Variants in SLC25A13 observed in about 807,000 individuals in gnomAD.
SLC25A13 encodes the protein electrogenic aspartate/glutamate antiporter SLC25A13, mitochondrial.
Under a neutral mutation model 85.5 loss-of-function variants are expected in SLC25A13, and 70 were observed. The observed-to-expected ratio is 0.82, with a 90% CI of 0.68 to 1.00. The LOEUF (loss-of-function observed/expected upper bound fraction) is 1.00, where lower values mean the gene tolerates loss of function less well. Ranked by LOEUF, SLC25A13 falls within the 50% of genes least tolerant of loss-of-function variation. The pLI is 0.00. For synonymous variants in SLC25A13, 259 were observed against 288.7 expected (o/e 0.90, Z 1.04); for missense variants, 765 against 819.8 (o/e 0.93, Z 0.82).
intron 1 of SLC25A13, among the ~76,000 whole-genome samples, chr7:96,320,982 G>A (rs1403341007): frequency 6.6e-6 from 1 of 152,182 alleles, no homozygotes; most frequent in Non-Finnish European, 1.5e-5. Flanking sequence ...CACTTAAAAT[G>A]AGCTAAGAAG....
chr7:96,211,867 T>C (rs1012517381), intron 4 of SLC25A13, among the ~76,000 whole-genome samples: 3 of 152,212 alleles, frequency 2.0e-5, no homozygotes, highest in African/African-American at 4.8e-5. Context: ...TAAACTGATT[T>C]AAACATGTTG....
chr7:96,241,143 G>A (rs991387704), intron 3 of SLC25A13, among the ~76,000 whole-genome samples: 2 of 151,816 alleles, frequency 1.3e-5, no homozygotes, highest in South Asian at 2.1e-4. Flanking sequence ...CAGCATCTCC[G>A]GAGAACAATT....
chr7:96,279,153 G>A (rs540402545), intron 2 of SLC25A13, among the ~76,000 whole-genome samples: 3 of 152,072 alleles, frequency 2.0e-5, no homozygotes, highest in African/African-American at 4.8e-5. Flanking sequence ...ACTGCTCTCC[G>A]GAAAAGATTG....
chr7:96,277,044 T>G, intron 3 of SLC25A13, 152 bp downstream of exon 3: 1 of 715,538 alleles, frequency 1.4e-6, no homozygotes, highest in Non-Finnish European at 2.2e-6. Flanking sequence ...AACTACATTA[T>G]TACTCAAATA....
intron 2 of SLC25A13, among the ~76,000 whole-genome samples, chr7:96,281,810 G>A (rs553882688): frequency 8.1e-4 from 123 of 152,334 alleles, no homozygotes; most frequent in African/African-American, 2.9e-3. Flanking sequence ...TCTGGGCACA[G>A]AAATAGTTTT....
chr7:96,191,830 T>C (rs1296157939), intron 6 of SLC25A13, among the ~76,000 whole-genome samples: 1 of 152,062 alleles, frequency 6.6e-6, no homozygotes, highest in East Asian at 1.9e-4. Context: ...TATACTTTCA[T>C]GGGGGGTTAA....
intron 5 of SLC25A13, among the ~76,000 whole-genome samples, chr7:96,201,685 C>T (rs908475593): frequency 4.6e-5 from 7 of 152,256 alleles, no homozygotes; most frequent in Admixed American, 2.0e-4. Context: ...AGTTCTACTA[C>T]AAGCGATTAT....
At chr7:96,320,090 C>T (rs544332472) in intron 1 of SLC25A13, among the ~76,000 whole-genome samples, 7 of 152,304 alleles carry the variant, frequency 4.6e-5, no homozygotes, top group African/African-American at 1.7e-4. Flanking sequence ...CTGCAATCTC[C>T]GCCTCCTGAG....
intron 7 of SLC25A13, 49 bp from the exon 8 acceptor site, chr7:96,189,723 C>G (rs1794775964): frequency 6.8e-7 from 1 of 1,461,788 alleles, no homozygotes; most frequent in South Asian, 1.1e-5. Flanking sequence ...GAAATAGCCA[C>G]TAAATTCAGC....
At chr7:96,233,482 T>G (rs1339640124) in intron 4 of SLC25A13, among the ~76,000 whole-genome samples, 1 of 152,210 alleles carries the variant, frequency 6.6e-6, no homozygotes, top group Non-Finnish European at 1.5e-5. Context: ...ATGGAAAGCA[T>G]CTGATCTTCT....
intron 2 of SLC25A13, among the ~76,000 whole-genome samples, chr7:96,284,754 G>A (rs991050637): frequency 6.6e-6 from 1 of 152,156 alleles, no homozygotes; most frequent in African/African-American, 2.4e-5. Flanking sequence ...TCTCTTGCCT[G>A]TCACAATATA....
intron 15 of SLC25A13, among the ~76,000 whole-genome samples, chr7:96,124,378 A>G (rs1415981320): frequency 6.6e-6 from 1 of 152,210 alleles, no homozygotes; most frequent in East Asian, 1.9e-4. Flanking sequence ...TTCTAAAAGC[A>G]GTGTGATAAA....
Position 96,120,685 on chromosome 7 carries a change from C to T in SLC25A13, c.*506G>A. 1 of 454,500 alleles carries T rather than the reference C, an allele frequency of 2.2e-6. No homozygotes were observed. The highest frequency in any genetic ancestry group is 4.4e-6 in the Non-Finnish European group (1 of 226,808). 28.2% of individuals were successfully genotyped at this position (454,500 alleles called of 1,614,324 possible). ...AAAGCTTCATAATATAATCCAGAGA[C>T]AGAATTTGTGCATGCTTACAATTTG... On this transcript the variant is annotated 3_prime_UTR_variant, in exon 18 of 18. Coordinates refer to ENST00000265631, the MANE Select transcript of SLC25A13 (RefSeq NM_014251.3).
chr7:96,286,140 C>T lies in SLC25A13; in HGVS notation c.70-8802G>A, dbSNP rs553400009. ...TCTACTAAAAATGCAAAAAATTACCCGGGCATGGTGGCAGGCGCCTGTAGT... is the reference window on the plus strand; with the variant it reads ...TCTACTAAAAATGCAAAAAATTACCTGGGCATGGTGGCAGGCGCCTGTAGT... On this transcript the variant is annotated intron_variant, in intron 2 of 17. Coordinates refer to ENST00000265631, the MANE Select transcript of SLC25A13 (RefSeq NM_014251.3). Among the ~76,000 whole-genome samples the T allele has an allele frequency of 1.2e-4, 18 of 151,850 alleles. No individual in the cohort carries two copies. In the South Asian group the frequency reaches 2.3e-3, roughly 19 times the overall value.
chr7:96,288,985 A>T (rs547200798), intron 2 of SLC25A13, among the ~76,000 whole-genome samples: 1 of 152,302 alleles, frequency 6.6e-6, no homozygotes, highest in Admixed American at 6.5e-5. Context: ...AGCCCCAAGT[A>T]GCCTAACTGG....
At chr7:96,186,227 C>T (rs1201299554) in intron 9 of SLC25A13, among the ~76,000 whole-genome samples, 2 of 151,992 alleles carry the variant, frequency 1.3e-5, no homozygotes, top group Non-Finnish European at 2.9e-5. Context: ...GTCAGGAGTT[C>T]GAGACCAGCC....
intron 17 of SLC25A13, 28 bp from the exon 18 acceptor site, chr7:96,121,405 G>A (rs878894588): frequency 4.3e-6 from 7 of 1,612,278 alleles, no homozygotes; most frequent in Non-Finnish European, 5.1e-6. Context: ...AGAGTAAGAA[G>A]CTGTATTTTT....
intron 4 of SLC25A13, among the ~76,000 whole-genome samples, chr7:96,220,940 C>T (rs1796104042): frequency 6.6e-6 from 1 of 152,192 alleles, no homozygotes; most frequent in African/African-American, 2.4e-5. Context: ...GATTTGCTCT[C>T]CAACTGACAT....
intron 14 of SLC25A13, among the ~76,000 whole-genome samples, chr7:96,140,397 C>CTTTTTTTTT (rs59863233): frequency 1.6e-4 from 14 of 88,140 alleles, no homozygotes; most frequent in Non-Finnish European, 2.4e-4. Context: ...CAAGGATCTC[C>CTTTTTTTTT]TTTTTTTTTT....
Sources: allele counts gnomAD v4.1 joint callset (sites outside exome capture counted in the v4.1 genomes callset), GRCh38; gene constraint gnomAD v4.1.1; transcripts MANE v1.5; gene names NCBI Gene and HGNC (gene_info 2026-07-23, HGNC 2026-07-21).